Variants in MCF2L observed in about 807,000 individuals in gnomAD.
MCF2L encodes guanine nucleotide exchange factor DBS.
MCF2L carries 97 observed loss-of-function variants against 153.4 expected under a neutral mutation model. That is an observed-to-expected ratio of 0.63 (90% CI 0.54 to 0.75). The LOEUF (loss-of-function observed/expected upper bound fraction) is 0.75, where lower values mean the gene tolerates loss of function less well. Ranked by LOEUF, MCF2L falls within the 30% of genes least tolerant of loss-of-function variation. The pLI is 0.00. For missense variants in MCF2L, 1,347 were observed against 1,495.2 expected (o/e 0.90, Z 1.64); for synonymous variants, 659 against 632.2 (o/e 1.04, Z -0.64).
rs1412560610 is a variant in MCF2L, at chr13:113,076,268, A to T, written c.1500+111A>T. ...AATGAATTATTTGTATTTATTTATT[A>T]TTATTTTTTTTTTGAGATGGAATCT... is the stretch of plus-strand genomic sequence containing the variant. On this transcript the variant is annotated intron_variant, in intron 12 of 29. Coordinates refer to ENST00000535094, the MANE Select transcript of MCF2L (RefSeq NM_001112732.3). The T allele has an allele frequency of 8.4e-6, 7 of 832,700 alleles. No homozygotes were observed. In the African/African-American group the frequency reaches 1.3e-4, roughly 15 times the overall value. 51.6% of individuals were successfully genotyped at this position (832,700 alleles called of 1,614,324 possible).
Position 113,077,075 on chromosome 13 carries a change from G to A in MCF2L, c.1524G>A (p.Gln508=), listed in dbSNP as rs1456091630. 18 of 1,612,478 alleles carry A rather than the reference G, an allele frequency of 1.1e-5. No individual in the cohort carries two copies. The highest frequency in any genetic ancestry group is 3.3e-5 in the South Asian group (3 of 90,956). ...DLMEHVRKVF[Q]KQASMEEVFH... ...AGGAGCACGTGCGAAAGGTCTTCCA[G>A]AAGCAGGCAAGCATGGAGGAGGTGT... is the stretch of plus-strand genomic sequence containing the variant. Residue 508 remains glutamine, a synonymous_variant, in exon 13 of 30, where the codon CAG becomes CAA. Transcript: ENST00000535094.
chr13:112,948,606 G>C (rs1047065010), intron 2 of MCF2L, among the ~76,000 whole-genome samples: 3 of 152,308 alleles, frequency 2.0e-5, no homozygotes, highest in Non-Finnish European at 4.4e-5. Context: ...AGTACTGAGA[G>C]GGGAATTTTT....
chr13:113,046,630 C>G lies in MCF2L; in HGVS notation c.369+1269C>G, dbSNP rs1282488593. 1.9e-6 allele frequency: 1 copy of G among 533,310 alleles called. No individual in the cohort carries two copies. The highest frequency in any genetic ancestry group is 3.8e-6 in the Non-Finnish European group (1 of 259,942). 33.0% of individuals were successfully genotyped at this position (533,310 alleles called of 1,614,324 possible). The stretch of plus-strand genomic sequence containing the variant: ...GGCCCCATATCTGCTCCGATGCCCA[C>G]AACCTTCATCGTTTTGGTGCAAGCC... On this transcript the variant is annotated intron_variant, in intron 4 of 29. Transcript: ENST00000535094. The surrounding 1 kb of genome is among the most constrained non-coding windows in gnomAD (Gnocchi z 4.4).
chr13:113,055,181 A>G (rs2087646538), intron 4 of MCF2L, among the ~76,000 whole-genome samples: 1 of 152,192 alleles, frequency 6.6e-6, no homozygotes, highest in African/African-American at 2.4e-5. Flanking sequence ...TCACTCAGCT[A>G]GGATCTTCCA....
intron 26 of MCF2L, chr13:113,091,262 C>A: frequency 7.8e-7 from 1 of 1,281,078 alleles, no homozygotes; most frequent in Non-Finnish European, 1.0e-6. Flanking sequence ...AGCTGGCTGT[C>A]AGGTGGCCGT....
rs199508286 is a variant in MCF2L at position 112,920,109 on chromosome 13, AC to A, written c.169+17740del. 7.0e-3 allele frequency among the ~76,000 whole-genome samples: 988 copies of A among 142,032 alleles called. 12 individuals carry two copies. The highest frequency in any genetic ancestry group is 0.023 in the African/African-American group (947 of 40,506). 93.2% of individuals were successfully genotyped at this position (142,032 alleles called of 152,430 possible). ...GTCTCAAGTTAGAATCAGGAAGGTT[AC>A]CATGCTACCTGGACAGTTAGGTGTC... On this transcript the variant is annotated intron_variant, in intron 2 of 29. Transcript: ENST00000375608.
intron 9 of MCF2L, among the ~76,000 whole-genome samples, chr13:113,071,847 T>C (rs1308870341): frequency 6.6e-6 from 1 of 152,270 alleles, no homozygotes; most frequent in Non-Finnish European, 1.5e-5. Flanking sequence ...TAGCTTCTAG[T>C]TCTTTTGCCT....
At chr13:112,994,045 G>A (rs890664683) in intron 1 of MCF2L, among the ~76,000 whole-genome samples, 8 of 152,172 alleles carry the variant, frequency 5.3e-5, no homozygotes, top group Admixed American at 2.0e-4. Flanking sequence ...CTCCGCCTTC[G>A]TCTTTTTCCT....
At position 113,064,861 on chromosome 13, in the gene MCF2L, C is replaced by G; in HGVS notation, c.607-75C>G. On this transcript the variant is annotated intron_variant, in intron 6 of 29. Transcript: ENST00000535094. The surrounding 1 kb of genome is among the most constrained non-coding windows in gnomAD (Gnocchi z 6.0). ...GGGTCTGTGTGGGAACGGTTTCCGCCGGTGTCTGCTTTCAGGGCAGCAGGA... is the reference window on the plus strand; with the variant it reads ...GGGTCTGTGTGGGAACGGTTTCCGCGGGTGTCTGCTTTCAGGGCAGCAGGA... 1 of 1,527,764 alleles carries G rather than the reference C, an allele frequency of 6.5e-7. No homozygotes were observed. Among genetic ancestry groups the G allele is most frequent in the Non-Finnish European group, 8.9e-7 (1 of 1,126,286 alleles). The allele number at this position is 1,527,764 out of a possible 1,614,324, so 94.6% of individuals were successfully genotyped here.
chr13:112,968,535 C>G, upstream of MCF2L: 1 of 1,560,518 alleles, frequency 6.4e-7, no homozygotes, highest in Non-Finnish European at 8.6e-7. Context: ...CTTGGGCAGG[C>G]GATGCCCCTG....
intron 2 of MCF2L, among the ~76,000 whole-genome samples, chr13:112,935,173 A>C (rs1182769039): frequency 1.3e-5 from 2 of 152,220 alleles, no homozygotes; most frequent in Non-Finnish European, 2.9e-5. Context: ...AGCAATGTAC[A>C]TTCACTAGAA....
At chr13:112,903,227 T>C (rs1423591604) in intron 2 of MCF2L, among the ~76,000 whole-genome samples, 2 of 152,092 alleles carry the variant, frequency 1.3e-5, no homozygotes, top group Admixed American at 1.3e-4. Flanking sequence ...TGAGAAGGGA[T>C]TTTGATAATT....
At chr13:112,968,151 G>A, upstream of MCF2L, among the ~76,000 whole-genome samples, 1 of 143,760 alleles carries the variant, frequency 7.0e-6, no homozygotes. Flanking sequence ...GTGGGGGGGG[G>A]GGTCTTGCTA....
chr13:113,067,091 T>C (rs1390557480), intron 8 of MCF2L, among the ~76,000 whole-genome samples: 2 of 152,248 alleles, frequency 1.3e-5, no homozygotes, highest in Non-Finnish European at 2.9e-5. Context: ...GTCAGGCACC[T>C]TGTCAGCTTC....
At position 112,969,222 on chromosome 13, in the gene MCF2L, A is replaced by C; in HGVS notation, c.-158A>C. On this transcript the variant is annotated 5_prime_UTR_variant, in exon 1 of 30. Coordinates refer to ENST00000535094, the MANE Select transcript of MCF2L (RefSeq NM_001112732.3). The surrounding 1 kb of genome is among the most constrained non-coding windows in gnomAD (Gnocchi z 4.8). The stretch of plus-strand genomic sequence containing the variant: ...GCCCCCCTCCCGGTGGCGCGGAACC[A>C]ATCCTGGGCAGGGAGGCGGCGGCTG... 1 of 1,193,664 alleles carries C rather than the reference A, an allele frequency of 8.4e-7. No homozygotes were observed. The highest frequency in any genetic ancestry group is 4.5e-5 in the Admixed American group (1 of 22,410). 73.9% of individuals were successfully genotyped at this position (1,193,664 alleles called of 1,614,324 possible). A position where few individuals can be genotyped will look rare whatever the true frequency, so the allele number is the denominator to read the frequency against.
intron 2 of MCF2L, among the ~76,000 whole-genome samples, chr13:112,914,028 C>G (rs2081264047): frequency 6.6e-6 from 1 of 152,226 alleles, no homozygotes; most frequent in Non-Finnish European, 1.5e-5. Flanking sequence ...TCCCCAGCCC[C>G]TTCTCCCCCT....
chr13:112,976,699 G>A (rs1316014475), intron 1 of MCF2L, among the ~76,000 whole-genome samples: 2 of 152,180 alleles, frequency 1.3e-5, no homozygotes, highest in Admixed American at 6.5e-5. Context: ...GGCGGGTCCC[G>A]GGCTGGGACT....
At chr13:113,048,739 G>C (rs1426112712) in intron 4 of MCF2L, among the ~76,000 whole-genome samples, 1 of 152,200 alleles carries the variant, frequency 6.6e-6, no homozygotes, top group Non-Finnish European at 1.5e-5. Context: ...ACCGCGCCCG[G>C]CTTATGGTCA....
Position 113,097,095 on chromosome 13 carries a change from C to T in MCF2L, c.*236C>T, listed in dbSNP as rs1046660650. ...AGAGGAGGGGCCGCAGGGAACAGCC[C>T]CGGGCGGCAGGCGCCGGGCAGCGGC... On this transcript the variant is annotated 3_prime_UTR_variant, in exon 30 of 30. Coordinates refer to ENST00000535094, the MANE Select transcript of MCF2L (RefSeq NM_001112732.3). The T allele has an allele frequency of 2.9e-6, 1 of 349,672 alleles. No homozygotes were observed. The highest frequency in any genetic ancestry group is 4.8e-5 in the Admixed American group (1 of 20,978). The allele number at this position is 349,672 out of a possible 1,614,324, so 21.7% of individuals were successfully genotyped here.
Sources: allele counts gnomAD v4.1 joint callset (sites outside exome capture counted in the v4.1 genomes callset), GRCh38; gene constraint gnomAD v4.1.1; non-coding constraint Gnocchi (gnomAD v3.1); transcripts MANE v1.5; gene names NCBI Gene and HGNC (gene_info 2026-07-23, HGNC 2026-07-21).